Variants in GRM7 observed in about 807,000 individuals in gnomAD.
The protein encoded by GRM7 is metabotropic glutamate receptor 7.
GRM7 carries 35 observed loss-of-function variants against 84.5 expected under a neutral mutation model. The observed-to-expected ratio is 0.41, with a 90% CI of 0.32 to 0.55. The LOEUF (loss-of-function observed/expected upper bound fraction) is 0.55, where lower values mean the gene tolerates loss of function less well. Among genes scored for constraint, GRM7 ranks in the 20% least tolerant of loss-of-function variants. The pLI is 0.19. For missense variants in GRM7, 1,003 were observed against 1,194.6 expected, an observed-to-expected ratio of 0.84 and a Z score of 2.36; for synonymous variants, 487 against 455.1, an observed-to-expected ratio of 1.07 and a Z score of -0.89.
chr3:7,508,885 T>C (rs1364935489), intron 7 of GRM7, among the ~76,000 whole-genome samples: 1 of 152,194 alleles, frequency 6.6e-6, no homozygotes, highest in Non-Finnish European at 1.5e-5. Flanking sequence ...TCCATCTGCA[T>C]TGGCAAGCGA....
intron 2 of GRM7, among the ~76,000 whole-genome samples, chr3:7,257,095 G>T (rs1698237907): frequency 6.6e-6 from 1 of 151,870 alleles, no homozygotes; most frequent in African/African-American, 2.4e-5. Flanking sequence ...ACTAAAATAG[G>T]TCAACCCTTA....
At position 7,228,634 on chromosome 3, in the gene GRM7, T is replaced by C. The variant is rs976533; in HGVS notation, c.737-70050T>C. 9.3e-3 allele frequency among the ~76,000 whole-genome samples: 1,409 copies of C among 152,308 alleles called. 14 individuals carry two copies. The highest frequency in any genetic ancestry group is 0.033 in the African/African-American group (1,353 of 41,570). On this transcript the variant is annotated intron_variant, in intron 2 of 9. Transcript: ENST00000357716. ...ATAAAGAGAATTCTGGGGTTATCTCTGTGACAGTCCTACTAACAATAAAAG... is the reference window on the plus strand; with the variant it reads ...ATAAAGAGAATTCTGGGGTTATCTCCGTGACAGTCCTACTAACAATAAAAG...
At chr3:7,516,532 A>AGAGAAAT (rs1700398402) in intron 7 of GRM7, among the ~76,000 whole-genome samples, 1 of 151,456 alleles carries the variant, frequency 6.6e-6, no homozygotes, top group South Asian at 2.1e-4. Flanking sequence ...TAATTCTTAA[A>AGAGAAAT]GAGAAATGGA....
intron 6 of GRM7, among the ~76,000 whole-genome samples, 174 bp downstream of exon 6, chr3:7,452,981 A>G (rs1697838904): frequency 6.6e-6 from 1 of 152,096 alleles, no homozygotes; most frequent in Admixed American, 6.6e-5. Context: ...AGAATGAGTT[A>G]AGATATATTT....
chr3:7,623,089 A>G (rs1407801336), intron 8 of GRM7, among the ~76,000 whole-genome samples: 1 of 152,172 alleles, frequency 6.6e-6, no homozygotes, highest in African/African-American at 2.4e-5. Flanking sequence ...TGGGAAATAT[A>G]ATTCAGCCTA....
At chr3:7,602,835 C>T (rs912337222) in intron 8 of GRM7, among the ~76,000 whole-genome samples, 1 of 152,236 alleles carries the variant, frequency 6.6e-6, no homozygotes, top group East Asian at 1.9e-4. Context: ...TCAGGAGATT[C>T]TGCCATCACT....
At chr3:7,240,564 G>C (rs898412402) in intron 2 of GRM7, among the ~76,000 whole-genome samples, 1 of 152,066 alleles carries the variant, frequency 6.6e-6, no homozygotes, top group Non-Finnish European at 1.5e-5. Flanking sequence ...TGTTAGAAGA[G>C]GCATATGTCT....
At chr3:7,348,572 A>G (rs527239770) in intron 4 of GRM7, among the ~76,000 whole-genome samples, 88 of 152,242 alleles carry the variant, frequency 5.8e-4, no homozygotes, top group Middle Eastern at 3.4e-3. Flanking sequence ...AGAAGTGTAC[A>G]TCCATGATCA....
chr3:7,341,969 C>T (rs1369203518), intron 4 of GRM7, among the ~76,000 whole-genome samples: 1 of 152,046 alleles, frequency 6.6e-6, no homozygotes, highest in African/African-American at 2.4e-5. Context: ...CATTATAGAT[C>T]ATATTATAGG....
At chr3:7,148,876 C>A (rs1446015231) in intron 2 of GRM7, among the ~76,000 whole-genome samples, 1 of 152,002 alleles carries the variant, frequency 6.6e-6, no homozygotes, top group Admixed American at 6.6e-5. Flanking sequence ...GCTGGTGCTG[C>A]AGAAATGCAA....
chr3:7,293,704 A>C (rs1478289996), intron 2 of GRM7, among the ~76,000 whole-genome samples: 1 of 152,214 alleles, frequency 6.6e-6, no homozygotes, highest in Admixed American at 6.5e-5. Flanking sequence ...TGATATTCAA[A>C]TACCAGGTAT....
intron 8 of GRM7, among the ~76,000 whole-genome samples, chr3:7,610,985 T>G (rs1046086638): frequency 3.3e-5 from 5 of 152,202 alleles, no homozygotes; most frequent in Admixed American, 1.3e-4. Context: ...GAGCCAGTAG[T>G]ATTCTGTCTG....
intron 1 of GRM7, among the ~76,000 whole-genome samples, chr3:7,022,367 G>GCGCACACACA (rs1695810650): frequency 6.9e-6 from 1 of 145,640 alleles, no homozygotes; most frequent in African/African-American, 2.6e-5. Context: ...ACACACACAT[G>GCGCACACACA]CACACACACA....
intron 1 of GRM7, among the ~76,000 whole-genome samples, chr3:7,082,468 CA>C (rs1347065548): frequency 1.3e-5 from 2 of 152,122 alleles, no homozygotes; most frequent in Non-Finnish European, 2.9e-5. Context: ...CAAAAGCTCT[CA>C]TGAGGATGTA....
chr3:7,214,277 A>G (rs573605992), intron 2 of GRM7, among the ~76,000 whole-genome samples: 3 of 152,362 alleles, frequency 2.0e-5, no homozygotes, highest in African/African-American at 7.2e-5. Flanking sequence ...ACATTTCTAG[A>G]AAGAGCCTGT....
intron 1 of GRM7, among the ~76,000 whole-genome samples, chr3:7,125,056 C>T (rs1455369895): frequency 6.6e-6 from 1 of 152,214 alleles, no homozygotes; most frequent in Non-Finnish European, 1.5e-5. Flanking sequence ...TCTCCTGCCT[C>T]AGTCTCCTGA....
chr3:7,595,727 A>G (rs918654661), intron 8 of GRM7, among the ~76,000 whole-genome samples: 2 of 152,028 alleles, frequency 1.3e-5, no homozygotes, highest in African/African-American at 4.8e-5. Context: ...TGCCCAGGCC[A>G]GAGATGAGCA....
intron 1 of GRM7, among the ~76,000 whole-genome samples, chr3:7,010,580 T>A (rs1695336934): frequency 6.6e-6 from 1 of 152,132 alleles, no homozygotes; most frequent in East Asian, 1.9e-4. Context: ...GAATCAGATA[T>A]TGAGGGTGAT....
At chr3:7,641,737 T>C (rs1217161929) in intron 8 of GRM7, among the ~76,000 whole-genome samples, 1 of 152,100 alleles carries the variant, frequency 6.6e-6, no homozygotes, top group East Asian at 1.9e-4. Context: ...CATAACAACA[T>C]GAAATTCTGA....
Sources: allele counts gnomAD v4.1 joint callset (sites outside exome capture counted in the v4.1 genomes callset), GRCh38; gene constraint gnomAD v4.1.1; transcripts MANE v1.5; gene names NCBI Gene and HGNC (gene_info 2026-07-23, HGNC 2026-07-21).